Variants in RBFOX3 observed in about 807,000 individuals in gnomAD.
RBFOX3 encodes the protein RNA binding fox-1 homolog 3.
In RBFOX3, 17 loss-of-function variants were observed where a neutral mutation model predicts 48.7. The observed-to-expected ratio is 0.35, with a 90% CI of 0.24 to 0.52. RBFOX3 has a LOEUF of 0.52. Ranked by LOEUF, RBFOX3 falls within the 20% of genes least tolerant of loss-of-function variation. The probability of loss-of-function intolerance (pLI) is 0.94; values close to 1 mark genes in which losing one functional copy is unlikely to be tolerated. For synonymous variants in RBFOX3, 212 were observed against 209.5 expected (o/e 1.01, Z -0.10); for missense variants, 382 against 497.5 (o/e 0.77, Z 2.21).
At chr17:79,534,276 C>G (rs1422133430) in intron 1 of RBFOX3, among the ~76,000 whole-genome samples, 3 of 152,214 alleles carry the variant, frequency 2.0e-5, no homozygotes, top group Admixed American at 2.0e-4. Context: ...CCGGCATCAC[C>G]GTTCAGAAGG....
intron 4 of RBFOX3, among the ~76,000 whole-genome samples, chr17:79,166,454 C>A (rs1003567396): frequency 7.2e-6 from 1 of 138,560 alleles, no homozygotes; most frequent in Non-Finnish European, 1.6e-5. Flanking sequence ...TAAGTAGGCT[C>A]AGCTCTCAGC....
chr17:79,170,483 G>C (rs571781941), intron 4 of RBFOX3, among the ~76,000 whole-genome samples: 2 of 152,108 alleles, frequency 1.3e-5, no homozygotes, highest in African/African-American at 2.4e-5. Context: ...TGAGGGCTGG[G>C]GGGGCAAGGC....
At position 79,362,071 on chromosome 17, in the gene RBFOX3, C is replaced by T. The variant is rs564183857; in HGVS notation, c.-174-54247G>A. On this transcript the variant is annotated intron_variant, in intron 2 of 14. Transcript: ENST00000693108. The surrounding 1 kb of genome is among the most constrained non-coding windows in gnomAD (Gnocchi z 4.2). ...CTGCGTATTTACTCAGTCATCAAAGCGCAAATGTGGTGGGTAACAGATCAC... is the reference window on the plus strand; with the variant it reads ...CTGCGTATTTACTCAGTCATCAAAGTGCAAATGTGGTGGGTAACAGATCAC... 7.2e-5 allele frequency among the ~76,000 whole-genome samples: 11 copies of T among 152,262 alleles called. No individual in the cohort carries two copies. In the South Asian group the frequency reaches 2.1e-3, roughly 29 times the overall value.
intron 3 of RBFOX3, among the ~76,000 whole-genome samples, chr17:79,288,214 C>T (rs1349891344): frequency 6.6e-6 from 1 of 152,214 alleles, no homozygotes; most frequent in Admixed American, 6.5e-5. Context: ...TGCCCGTCCC[C>T]TCTCGGGGCC....
chr17:79,469,438 G>A (rs950034521), intron 2 of RBFOX3, among the ~76,000 whole-genome samples: 3 of 152,192 alleles, frequency 2.0e-5, no homozygotes, highest in Non-Finnish European at 2.9e-5. Context: ...CCCACTCCAC[G>A]TCAGGGCGCC....
chr17:79,511,465 G>A lies in RBFOX3; in HGVS notation c.-319-28867C>T, dbSNP rs965202918. Among the ~76,000 whole-genome samples the A allele has an allele frequency of 3.5e-3, 535 of 152,292 alleles. 1 individual carries two copies. Among genetic ancestry groups the A allele is most frequent in the African/African-American group, 0.012 (499 of 41,520 alleles). Reference sequence around the variant, plus strand: ...TCGTGGAAATGGGATAATTGCTGGAGGGCTCTGTGAGCAAGAGCTGCACAG... The same window carrying A: ...TCGTGGAAATGGGATAATTGCTGGAAGGCTCTGTGAGCAAGAGCTGCACAG... On this transcript the variant is annotated intron_variant, in intron 1 of 14. Transcript: ENST00000693108.
chr17:79,337,466 C>T (rs575961728), intron 2 of RBFOX3, among the ~76,000 whole-genome samples: 4 of 152,276 alleles, frequency 2.6e-5, no homozygotes, highest in African/African-American at 7.2e-5. Context: ...AGAGCCCATT[C>T]ACAAATCGGA....
At chr17:79,527,313 T>C (rs1203459012) in intron 1 of RBFOX3, among the ~76,000 whole-genome samples, 1 of 152,240 alleles carries the variant, frequency 6.6e-6, no homozygotes, top group Non-Finnish European at 1.5e-5. Flanking sequence ...TTTCTCCAAT[T>C]GCCCTTCTAG....
At chr17:79,592,925 C>T (rs2093465181) in intron 1 of RBFOX3, among the ~76,000 whole-genome samples, 2 of 152,330 alleles carry the variant, frequency 1.3e-5, no homozygotes, top group Middle Eastern at 3.4e-3. Context: ...CACTACCCCA[C>T]ACCCCTGCTT....
chr17:79,320,047 TTGGTCTTGTCCAGGCTGC>T (rs1379149017), intron 2 of RBFOX3, among the ~76,000 whole-genome samples: 3 of 150,780 alleles, frequency 2.0e-5, no homozygotes, highest in African/African-American at 7.3e-5. Flanking sequence ...GTCTGGGCTG[TTGGTCTTGTCCAGGCTGC>T]TGGTCTTCTC....
chr17:79,529,291 C>T (rs1380205591), intron 1 of RBFOX3, among the ~76,000 whole-genome samples: 1 of 152,138 alleles, frequency 6.6e-6, no homozygotes, highest in Non-Finnish European at 1.5e-5. Context: ...ACCCATCCCC[C>T]CACCGCATCA....
intron 4 of RBFOX3, chr17:79,208,681 C>T (rs1350587921): frequency 6.9e-6 from 1 of 145,686 alleles, no homozygotes; most frequent in African/African-American, 2.6e-5. Context: ...AGGGGAGGCT[C>T]TTGGTGGAGA....
At chr17:79,426,309 G>A (rs1233274513) in intron 2 of RBFOX3, among the ~76,000 whole-genome samples, 2 of 152,184 alleles carry the variant, frequency 1.3e-5, no homozygotes, top group Non-Finnish European at 2.9e-5. Flanking sequence ...CGCAGGTGCT[G>A]GGAGAGGAGG....
At chr17:79,226,433 T>A (rs1472834241) in intron 4 of RBFOX3, among the ~76,000 whole-genome samples, 1 of 152,178 alleles carries the variant, frequency 6.6e-6, no homozygotes, top group African/African-American at 2.4e-5. Context: ...GATTTTGTAA[T>A]GGTTGGTATT....
chr17:79,641,772 G>A, the RBFOX3 span, among the ~76,000 whole-genome samples: 1 of 152,158 alleles, frequency 6.6e-6, no homozygotes, highest in Non-Finnish European at 1.5e-5. Context: ...GGATTATGGG[G>A]GAGGTTTCTC....
At chr17:79,128,935 A>G (rs998079476) in intron 4 of RBFOX3, among the ~76,000 whole-genome samples, 1 of 152,190 alleles carries the variant, frequency 6.6e-6, no homozygotes, top group Non-Finnish European at 1.5e-5. Flanking sequence ...GAGTGAGGCT[A>G]TGATCACAGT....
chr17:79,486,895 G>A (rs905521641), intron 1 of RBFOX3, among the ~76,000 whole-genome samples: 118 of 152,366 alleles, frequency 7.7e-4, no homozygotes, highest in African/African-American at 2.6e-3. Context: ...AGCCAGCACT[G>A]CTCCCGAGGC....
At chr17:79,627,587 C>T in the RBFOX3 span, among the ~76,000 whole-genome samples, 4 of 152,188 alleles carry the variant, frequency 2.6e-5, no homozygotes, top group African/African-American at 9.7e-5. Flanking sequence ...AGAATAAGAG[C>T]CCGCGCCTCT....
intron 2 of RBFOX3, among the ~76,000 whole-genome samples, chr17:79,382,606 C>T (rs928026490): frequency 5.3e-5 from 8 of 152,222 alleles, no homozygotes; most frequent in Non-Finnish European, 1.0e-4. Context: ...CGGTCATGGG[C>T]AACCCTTTCT....
Sources: allele counts gnomAD v4.1 joint callset (sites outside exome capture counted in the v4.1 genomes callset), GRCh38; gene constraint gnomAD v4.1.1; non-coding constraint Gnocchi (gnomAD v3.1); transcripts MANE v1.5; gene names NCBI Gene and HGNC (gene_info 2026-07-23, HGNC 2026-07-21).